Variants in SLC15A5 observed in about 807,000 individuals in gnomAD.
The protein encoded by SLC15A5 is Peptide/histidine transporter ENSP00000340402.
In SLC15A5, 58 loss-of-function variants were observed where a neutral mutation model predicts 56.1. The observed-to-expected ratio is 1.03, with a 90% CI of 0.84 to 1.29. The LOEUF (loss-of-function observed/expected upper bound fraction) is 1.29. Among genes scored for constraint, SLC15A5 ranks in the 50% most tolerant of loss-of-function variants. The pLI is 0.00. For missense variants in SLC15A5, 681 were observed against 672.1 expected (o/e 1.01, Z -0.15); for synonymous variants, 264 against 250.5 (o/e 1.05, Z -0.51).
rs1864359648 is a variant in SLC15A5 at position 16,237,123 on chromosome 12, A to C, written c.1162+2558T>G. ...CTTCACCCACATTTTCAGGCACTTG[A>C]GTTCAAAGTGAAAGGTAACTTTAAT... On this transcript the variant is annotated intron_variant, in intron 5 of 8. Coordinates refer to ENST00000344941, the MANE Select transcript of SLC15A5 (RefSeq NM_001170798.1). This position sits in a 1 kb window ranked among gnomAD's most constrained non-coding sequence, Gnocchi z 4.1. 6.6e-6 allele frequency among the ~76,000 whole-genome samples: 1 copy of C among 152,182 alleles called. No homozygotes were observed. Among genetic ancestry groups the C allele is most frequent in the Non-Finnish European group, 1.5e-5 (1 of 68,026 alleles).
chr12:16,240,905 C>T (rs1222422737), intron 4 of SLC15A5, among the ~76,000 whole-genome samples: 5 of 151,022 alleles, frequency 3.3e-5, no homozygotes, highest in African/African-American at 1.2e-4. Flanking sequence ...CTCCACCTCC[C>T]AGGTTCACGC....
chr12:16,217,990 C>T (rs892199597), intron 6 of SLC15A5, among the ~76,000 whole-genome samples: 1 of 151,994 alleles, frequency 6.6e-6, no homozygotes, highest in Non-Finnish European at 1.5e-5. Context: ...TTTGTACGTG[C>T]CATATAAACA....
chr12:16,216,952 T>C lies in SLC15A5; in HGVS notation c.1424A>G (p.Asn475Ser). The change falls in exon 7 of 9, where the codon AAT (asparagine) becomes AGT (serine). Residue 475 changes from asparagine (N) to serine (S), a missense_variant. Coordinates refer to ENST00000344941, the MANE Select transcript of SLC15A5 (RefSeq NM_001170798.1). Reference sequence around the variant, plus strand: ...TGCCCCTGTGAAACAGCCAAATCCATTGAACAGTGTCAGAAAATTCATGGA... The same window carrying C: ...TGCCCCTGTGAAACAGCCAAATCCACTGAACAGTGTCAGAAAATTCATGGA... ...GTSMNFLTLF[N>S]GFGCFTGALL... 6.5e-7 allele frequency: 1 copy of C among 1,536,888 alleles called. No individual in the cohort carries two copies. The highest frequency in any genetic ancestry group is 8.7e-7 in the Non-Finnish European group (1 of 1,146,654).
At chr12:16,224,109 TG>T (rs1378576887) in intron 6 of SLC15A5, among the ~76,000 whole-genome samples, 6 of 152,276 alleles carry the variant, frequency 3.9e-5, no homozygotes, top group African/African-American at 1.2e-4. Flanking sequence ...AGTTGTCTTC[TG>T]GGTTTTAGCA....
rs546951380 is a variant in SLC15A5 at position 16,196,334 on chromosome 12, G to A, written c.1484-1881C>T. ...CACTGAATGTTTCTCTATAAGTCTT[G>A]TCTATTGGATATTGTGTAGCCTTTT... On this transcript the variant is annotated intron_variant, in intron 7 of 8. Transcript: ENST00000344941. This position sits in a 1 kb window ranked among gnomAD's most constrained non-coding sequence, Gnocchi z 4.0. Among the ~76,000 whole-genome samples the A allele has an allele frequency of 2.0e-5, 3 of 152,170 alleles. No homozygotes were observed. The South Asian group carries it at 6.2e-4, about 32-fold the overall frequency.
chr12:16,248,775 A>G (rs1028459963), intron 3 of SLC15A5, among the ~76,000 whole-genome samples: 2 of 152,056 alleles, frequency 1.3e-5, no homozygotes, highest in African/African-American at 4.8e-5. Flanking sequence ...GTCCATTATC[A>G]TTACAGTTCT....
intron 4 of SLC15A5, among the ~76,000 whole-genome samples, chr12:16,241,596 G>C (rs1864415472): frequency 6.6e-6 from 1 of 152,180 alleles, no homozygotes; most frequent in African/African-American, 2.4e-5. Context: ...CAGATGGCAA[G>C]AGTTAAAGGA....
intron 2 of SLC15A5, among the ~76,000 whole-genome samples, chr12:16,261,200 GCTCAGTCA>G: frequency 6.6e-6 from 1 of 151,726 alleles, no homozygotes; most frequent in East Asian, 1.9e-4. Flanking sequence ...TGCTTCTAAA[GCTCAGTCA>G]CATCCCTTTG....
At chr12:16,215,345 G>A (rs1864121992) in intron 7 of SLC15A5, among the ~76,000 whole-genome samples, 1 of 151,868 alleles carries the variant, frequency 6.6e-6, no homozygotes, top group Non-Finnish European at 1.5e-5. Context: ...TAAACTGGTA[G>A]TAATATTTGA....
intron 5 of SLC15A5, among the ~76,000 whole-genome samples, chr12:16,227,357 A>G (rs549257816): frequency 3.6e-4 from 55 of 152,274 alleles, no homozygotes; most frequent in Non-Finnish European, 7.1e-4. Context: ...TGTCAATTCA[A>G]TTTAATATTT....
At chr12:16,272,513 G>C (rs1165763536) in intron 2 of SLC15A5, 48 bp downstream of exon 2, 2 of 1,499,284 alleles carry the variant, frequency 1.3e-6, no homozygotes, top group Admixed American at 2.0e-5. Flanking sequence ...AAAGTAAACA[G>C]TGAGAATGGT....
chr12:16,275,091 C>G (rs1864802535), intron 1 of SLC15A5, among the ~76,000 whole-genome samples: 1 of 151,930 alleles, frequency 6.6e-6, no homozygotes, highest in African/African-American at 2.4e-5. Context: ...GTCAGCCATG[C>G]AGGTGGACAA....
chr12:16,206,074 G>A (rs570895608), intron 7 of SLC15A5, among the ~76,000 whole-genome samples: 7 of 152,084 alleles, frequency 4.6e-5, no homozygotes, highest in Admixed American at 3.3e-4. Flanking sequence ...TTTTGCTTGG[G>A]AGCGAAAAAG....
chr12:16,189,948 A>C, intron 8 of SLC15A5, 133 bp from the exon 9 acceptor site: 1 of 664,042 alleles, frequency 1.5e-6, no homozygotes, highest in South Asian at 3.9e-5. Flanking sequence ...ACGATTATTT[A>C]AGAGCACTGC....
intron 7 of SLC15A5, among the ~76,000 whole-genome samples, chr12:16,199,995 A>G (rs889880584): frequency 4.6e-5 from 7 of 152,038 alleles, no homozygotes; most frequent in Admixed American, 3.9e-4. Flanking sequence ...GGTCACTTTA[A>G]CTGTAGACTT....
intron 3 of SLC15A5, among the ~76,000 whole-genome samples, chr12:16,256,956 T>A (rs1864582070): frequency 1.5e-5 from 2 of 137,042 alleles, no homozygotes; most frequent in Admixed American, 1.4e-4. Flanking sequence ...ATAGATAGTT[T>A]CTGGACATAT....
rs552138836 is a variant in SLC15A5 at position 16,251,618 on chromosome 12, C to G, written c.754+6083G>C. Among the ~76,000 whole-genome samples, 41 of 151,872 alleles carry G rather than the reference C, an allele frequency of 2.7e-4. 1 individual carries two copies. Among genetic ancestry groups the G allele is most frequent in the Admixed American group, 7.2e-4 (11 of 15,238 alleles). On this transcript the variant is annotated intron_variant, in intron 3 of 8. Transcript: ENST00000344941. ...AACATACAACCTACTAAGACTGAAT[C>G]ATGACAAAATAAAAAATCTGAAAAG...
intron 3 of SLC15A5, among the ~76,000 whole-genome samples, chr12:16,255,273 G>T (rs555843827): frequency 6.6e-6 from 1 of 152,084 alleles, no homozygotes; most frequent in African/African-American, 2.4e-5. Flanking sequence ...CTATAGAAAA[G>T]TTGAACTAGA....
In SLC15A5 at chr12:16,257,684, A is replaced by T. The variant is rs564266145; in HGVS notation, c.754+17T>A. The T allele has an allele frequency of 4.9e-6, 7 of 1,432,420 alleles. No individual in the cohort carries two copies. In the South Asian group the frequency reaches 1.1e-4, roughly 22 times the overall value. The allele number at this position is 1,432,420 out of a possible 1,614,324, so 88.7% of individuals were successfully genotyped here. ...CAATATAAACCCAGAAATCAATGTA[A>T]CGCATAATTTACTTACGTTTTTCTG... On this transcript the variant is annotated intron_variant, in intron 3 of 8. Transcript: ENST00000344941.
Sources: gnomAD v4.1 joint callset for allele counts (sites outside exome capture counted in the v4.1 genomes callset) on GRCh38, gnomAD v4.1.1 for gene constraint, Gnocchi (gnomAD v3.1) non-coding constraint, MANE v1.5 for transcripts, NCBI Gene and HGNC (gene_info 2026-07-23, HGNC 2026-07-21) for gene names.